HDAC9: variants seen among roughly 807,000 people sequenced by gnomAD.
HDAC9 encodes histone deacetylase 9.
HDAC9 carries 41 observed loss-of-function variants against 139.4 expected under a neutral mutation model. That is an observed-to-expected ratio of 0.29 (90% confidence interval 0.23 to 0.38). HDAC9 has a LOEUF of 0.38. Ranked by LOEUF, HDAC9 falls within the 10% of genes least tolerant of loss-of-function variation. HDAC9 has a pLI of 1.00. For synonymous variants in HDAC9, 517 were observed against 476.2 expected (o/e 1.09, Z -1.12); for missense variants, 1,147 against 1,297.0 (o/e 0.88, Z 1.78).
At position 18,923,638 on chromosome 7, in the gene HDAC9, C is replaced by T. The variant is rs188865203; in HGVS notation, c.2804-12171C>T. 1.7e-4 allele frequency among the ~76,000 whole-genome samples: 26 copies of T among 152,056 alleles called. No individual in the cohort carries two copies. The East Asian group carries it at 1.7e-3, about 10-fold the overall frequency. ...TGAAGTGTTTGACCTAAAATGTCAC[C>T]GCCTTACCCGAAATACTCTATCTTT... On this transcript the variant is annotated intron_variant, in intron 22 of 25. Transcript: ENST00000686413.
At chr7:18,701,008 C>G (rs1373050292) in intron 12 of HDAC9, among the ~76,000 whole-genome samples, 5 of 152,192 alleles carry the variant, frequency 3.3e-5, no homozygotes, top group African/African-American at 1.2e-4. Flanking sequence ...TTTACTGCCA[C>G]TTTCTTCCTA....
intron 13 of HDAC9, among the ~76,000 whole-genome samples, chr7:18,729,362 G>A (rs1305718075): frequency 6.6e-6 from 1 of 151,918 alleles, no homozygotes; most frequent in Non-Finnish European, 1.5e-5. Flanking sequence ...GTTTCCTGTT[G>A]ATGTGCCCAA....
chr7:18,785,144 G>A (rs1025556585), intron 16 of HDAC9, among the ~76,000 whole-genome samples: 2 of 152,054 alleles, frequency 1.3e-5, no homozygotes, highest in Non-Finnish European at 2.9e-5. Flanking sequence ...TGAAGCAAAG[G>A]AATGGGAAGA....
At chr7:18,420,911 A>C (rs1465429042) in intron 1 of HDAC9, among the ~76,000 whole-genome samples, 1 of 152,248 alleles carries the variant, frequency 6.6e-6, no homozygotes, top group Non-Finnish European at 1.5e-5. Context: ...AATGAGAAAC[A>C]GGCTGCCATG....
intron 15 of HDAC9, 36 bp downstream of exon 15, chr7:18,762,313 A>G: frequency 1.2e-6 from 2 of 1,606,586 alleles, no homozygotes; most frequent in Non-Finnish European, 1.7e-6. Context: ...GGAACAGCAC[A>G]TTCCAGCACT....
intron 1 of HDAC9, among the ~76,000 whole-genome samples, chr7:18,125,854 G>A (rs1784631800): frequency 6.6e-6 from 1 of 151,982 alleles, no homozygotes; most frequent in African/African-American, 2.4e-5. Flanking sequence ...TTTTTCTGTT[G>A]AGTTTTTAAA....
chr7:18,959,990 C>CTT (rs1356739646), intron 24 of HDAC9, among the ~76,000 whole-genome samples: 1 of 140,862 alleles, frequency 7.1e-6, no homozygotes, highest in Non-Finnish European at 1.5e-5. Context: ...GTGAGTATAG[C>CTT]TAATCCTCTG....
rs575959654 is a variant in HDAC9 at position 18,478,665 on chromosome 7, C to G, written c.-41-17597C>G. 1.2e-4 allele frequency among the ~76,000 whole-genome samples: 18 copies of G among 152,260 alleles called. No individual in the cohort carries two copies. In the South Asian group the frequency reaches 3.5e-3, roughly 30 times the overall value. On this transcript the variant is annotated intron_variant, in intron 1 of 3. Coordinates refer to the HDAC9 transcript ENST00000413509. ...GAATATTTAGTTCCCTTACAAAATACAAAGTATTGCTACTTCAAATGAAAA... is the reference window on the plus strand; with the variant it reads ...GAATATTTAGTTCCCTTACAAAATAGAAAGTATTGCTACTTCAAATGAAAA...
intron 1 of HDAC9, among the ~76,000 whole-genome samples, chr7:18,105,687 A>G (rs879566841): frequency 6.6e-5 from 10 of 151,838 alleles, no homozygotes; most frequent in African/African-American, 2.4e-4. Flanking sequence ...CAATTTTGGT[A>G]GTTCCTCAAA....
intron 17 of HDAC9, among the ~76,000 whole-genome samples, chr7:18,802,030 T>C (rs1793340492): frequency 6.6e-6 from 1 of 151,818 alleles, no homozygotes; most frequent in South Asian, 2.1e-4. Flanking sequence ...GTAGATGTCA[T>C]ATATTTTATG....
upstream of HDAC9, chr7:18,290,258 G>T (rs927057197): frequency 2.5e-5 from 8 of 326,296 alleles, no homozygotes; most frequent in African/African-American, 1.1e-4. Flanking sequence ...TATAGTAACT[G>T]TCTTTGCCCC....
chr7:18,182,337 C>T (rs982099890), intron 2 of HDAC9, among the ~76,000 whole-genome samples: 10 of 152,140 alleles, frequency 6.6e-5, no homozygotes, highest in African/African-American at 1.9e-4. Flanking sequence ...TGCTCTATGT[C>T]GTACAAGTAT....
chr7:18,751,543 T>G (rs146573223), intron 14 of HDAC9, among the ~76,000 whole-genome samples: 1 of 152,138 alleles, frequency 6.6e-6, no homozygotes, highest in Admixed American at 6.6e-5. Flanking sequence ...GCGAAGAAAG[T>G]ATTGCCCATA....
At chr7:18,204,332 C>CTTTTTTTTTTTTTTT (rs35479287) in intron 2 of HDAC9, among the ~76,000 whole-genome samples, 2 of 116,014 alleles carry the variant, frequency 1.7e-5, no homozygotes, top group Non-Finnish European at 3.6e-5. Flanking sequence ...TTGAATCTGC[C>CTTTTTTTTTTTTTTT]TTTTTTTTTT....
chr7:18,315,534 G>A (rs758480041), intron 1 of HDAC9, among the ~76,000 whole-genome samples: 1 of 152,172 alleles, frequency 6.6e-6, no homozygotes, highest in Non-Finnish European at 1.5e-5. Context: ...CTAAATAGAT[G>A]TCCAATTTGC....
At chr7:18,564,393 G>A (rs1821607569) in intron 2 of HDAC9, among the ~76,000 whole-genome samples, 2 of 151,984 alleles carry the variant, frequency 1.3e-5, no homozygotes, top group South Asian at 4.2e-4. Context: ...CTTTTTTTGG[G>A]GCTTGCTTAT....
Position 18,861,258 on chromosome 7 carries a change from A to G in HDAC9, c.2685-13220A>G, listed in dbSNP as rs1038271045. Among the ~76,000 whole-genome samples the G allele has an allele frequency of 3.3e-5, 5 of 152,326 alleles. No homozygotes were observed. In the East Asian group the frequency reaches 9.6e-4, roughly 29 times the overall value. On this transcript the variant is annotated intron_variant, in intron 21 of 25. Transcript: ENST00000686413. ...GTGTTTACTTCAGTACAATTTTAAT[A>G]TTAACTCTTAATGACTTCTACCAAC...
chr7:18,816,798 C>T (rs971246281), intron 17 of HDAC9, among the ~76,000 whole-genome samples: 6 of 152,168 alleles, frequency 3.9e-5, no homozygotes, highest in South Asian at 2.1e-4. Context: ...TTAATTTCCA[C>T]GGAACAATGT....
chr7:18,226,292 C>G (rs1248302344), intron 2 of HDAC9, among the ~76,000 whole-genome samples: 6 of 152,070 alleles, frequency 3.9e-5, no homozygotes, highest in Admixed American at 1.3e-4. Flanking sequence ...GAGAGATGTA[C>G]CCATCCAGTT....
Sources: allele counts gnomAD v4.1 joint callset (sites outside exome capture counted in the v4.1 genomes callset), GRCh38; gene constraint gnomAD v4.1.1; transcripts MANE v1.5; gene names NCBI Gene and HGNC (gene_info 2026-07-23, HGNC 2026-07-21).